Variants in ZNHIT6 observed in about 807,000 individuals in gnomAD.
The protein encoded by ZNHIT6 is zinc finger HIT-type containing 6.
Under a neutral mutation model 57.2 loss-of-function variants are expected in ZNHIT6, and 45 were observed. That is an observed-to-expected ratio of 0.79 (90% CI 0.62 to 1.01). ZNHIT6 has a LOEUF of 1.01. ZNHIT6 is among the 50% of genes least tolerant of loss of function. The pLI is 0.00. For missense variants in ZNHIT6, 528 were observed against 567.3 expected (o/e 0.93, Z 0.70); for synonymous variants, 188 against 190.0 (o/e 0.99, Z 0.09).
At chr1:85,699,499 A>G (rs183256458) in intron 5 of ZNHIT6, among the ~76,000 whole-genome samples, 1 of 152,252 alleles carries the variant, frequency 6.6e-6, no homozygotes, top group East Asian at 1.9e-4. Context: ...ATGTCTTAAC[A>G]AGAAATTAAA....
chr1:85,656,419 T>G (rs1213639690), intron 9 of ZNHIT6, among the ~76,000 whole-genome samples: 1 of 152,144 alleles, frequency 6.6e-6, no homozygotes, highest in Non-Finnish European at 1.5e-5. Context: ...AAAGTAGTCT[T>G]TTCTTATTGC....
rs1660922042 is a variant in ZNHIT6, at chr1:85,651,927, G to A, written c.*2131C>T. ...TTGTAAATCTTACGGGAAAAAATAT[G>A]CATATTAATCAAATGAGTTGATAAT... On this transcript the variant is annotated 3_prime_UTR_variant, in exon 10 of 10. Coordinates refer to ENST00000370574, the MANE Select transcript of ZNHIT6 (RefSeq NM_017953.4). The A allele has an allele frequency of 6.6e-6, 1 of 152,276 alleles. No individual in the cohort carries two copies. Among genetic ancestry groups the A allele is most frequent in the Non-Finnish European group, 1.5e-5 (1 of 68,014 alleles). The allele number at this position is 152,276 out of a possible 1,614,324, so 9.4% of individuals were successfully genotyped here. A position where few individuals can be genotyped will look rare whatever the true frequency, so the allele number is the denominator to read the frequency against.
intron 5 of ZNHIT6, among the ~76,000 whole-genome samples, chr1:85,691,370 G>A (rs1662213515): frequency 1.3e-5 from 2 of 152,166 alleles, no homozygotes; most frequent in African/African-American, 4.8e-5. Flanking sequence ...ATTTCCAACT[G>A]TCTGGGAAGT....
intron 5 of ZNHIT6, among the ~76,000 whole-genome samples, chr1:85,687,083 A>T (rs1475421599): frequency 6.6e-6 from 1 of 151,652 alleles, no homozygotes; most frequent in East Asian, 1.9e-4. Context: ...AAGCCTGGAC[A>T]ACATAGTGAA....
chr1:85,693,072 G>A (rs566936815), intron 5 of ZNHIT6, among the ~76,000 whole-genome samples: 63 of 152,210 alleles, frequency 4.1e-4, no homozygotes, highest in Middle Eastern at 3.4e-3. Context: ...GAAAAGTTAA[G>A]GACTTTCAGT....
chr1:85,707,679 CTCT>C lies in ZNHIT6; in HGVS notation c.603_605del (p.Glu202del), dbSNP rs1373833314. The C allele has an allele frequency of 1.3e-6, 2 of 1,575,552 alleles. No homozygotes were observed. The highest frequency in any genetic ancestry group is 1.4e-5 in the African/African-American group (1 of 73,152). On this transcript the variant is annotated inframe_deletion, in exon 1 of 10. Transcript: ENST00000370574. ...AGCCCACCGGGTGATTTATCGGAGG[CTCT>C]TCTTTCACCTTTGTATCATCCACGA...
In ZNHIT6 at chr1:85,650,841, C is replaced by T. The variant is rs1416878280; in HGVS notation, c.*3217G>A. The T allele has an allele frequency of 6.6e-6, 1 of 152,144 alleles. No individual in the cohort carries two copies. The highest frequency in any genetic ancestry group is 2.4e-5 in the African/African-American group (1 of 41,420). The allele number at this position is 152,144 out of a possible 1,614,324, so 9.4% of individuals were successfully genotyped here. On this transcript the variant is annotated 3_prime_UTR_variant, in exon 10 of 10. Transcript: ENST00000370574. ...ACAGCAAGAATGAGAACTCACTCAC[C>T]CCAGTAGGAGGGCATTAGTTTATTC... is the stretch of plus-strand genomic sequence containing the variant.
chr1:85,665,607 A>G (rs899002655), intron 8 of ZNHIT6, among the ~76,000 whole-genome samples: 4 of 152,098 alleles, frequency 2.6e-5, no homozygotes, highest in Admixed American at 6.6e-5. Flanking sequence ...TGTTTCTTAA[A>G]ATTCTTTCTC....
chr1:85,707,970 A>G lies in ZNHIT6; in HGVS notation c.315T>C (p.Pro105=). 1.2e-6 allele frequency: 2 copies of G among 1,613,792 alleles called. No individual in the cohort carries two copies. Among genetic ancestry groups the G allele is most frequent in the Non-Finnish European group, 1.7e-6 (2 of 1,179,966 alleles). ...QWVEQEVEDR[P]EVKDENAGVL... ...CGCCTGCGTTCTCATCCTTCACCTC[A>G]GGCCTATCCTCCACCTCCTGTTCTA... The change falls in exon 1 of 10, where the codon CCT becomes CCC. Residue 105 remains proline (P), a synonymous_variant. Transcript: ENST00000370574.
intron 5 of ZNHIT6, among the ~76,000 whole-genome samples, chr1:85,700,337 A>G (rs950106418): frequency 1.3e-5 from 2 of 152,204 alleles, no homozygotes; most frequent in African/African-American, 2.4e-5. Flanking sequence ...TCTAAAGCCT[A>G]TTAGTACATA....
At chr1:85,656,124 G>T (rs533878459) in intron 9 of ZNHIT6, among the ~76,000 whole-genome samples, 1 of 152,140 alleles carries the variant, frequency 6.6e-6, no homozygotes, top group East Asian at 1.9e-4. Context: ...AATATCTGAT[G>T]CTGTGAGAAT....
chr1:85,676,719 T>C (rs1661714095), intron 8 of ZNHIT6, among the ~76,000 whole-genome samples: 1 of 152,080 alleles, frequency 6.6e-6, no homozygotes, highest in Non-Finnish European at 1.5e-5. Context: ...CCACCTTATA[T>C]TGTGGTGCAC....
intron 5 of ZNHIT6, among the ~76,000 whole-genome samples, chr1:85,692,145 C>T (rs1224947131): frequency 6.6e-6 from 1 of 152,070 alleles, no homozygotes; most frequent in Non-Finnish European, 1.5e-5. Context: ...GAAGGGCCTG[C>T]ATAGGACACT....
chr1:85,662,865 A>ATT (rs1388071817), intron 8 of ZNHIT6, among the ~76,000 whole-genome samples: 5 of 152,236 alleles, frequency 3.3e-5, no homozygotes, highest in Non-Finnish European at 7.3e-5. Flanking sequence ...TATTCTAACC[A>ATT]TGATATTTAA....
intron 4 of ZNHIT6, among the ~76,000 whole-genome samples, chr1:85,704,489 C>G (rs1040508737): frequency 6.6e-6 from 1 of 151,882 alleles, no homozygotes; most frequent in African/African-American, 2.4e-5. Flanking sequence ...TTCTGGGAAG[C>G]CAGTAATGTT....
At position 85,657,046 on chromosome 1, in the gene ZNHIT6, C is replaced by T. The variant is rs549891620; in HGVS notation, c.1372+801G>A. 7.8e-4 allele frequency among the ~76,000 whole-genome samples: 118 copies of T among 152,152 alleles called. 1 individual carries two copies. The highest frequency in any genetic ancestry group is 1.2e-3 in the Non-Finnish European group (83 of 67,922). ...CCTGGCCTGTATCTGTAATTCTTTT[C>T]GTTGAAAGTGCTATGTAATAGTTTT... is the stretch of plus-strand genomic sequence containing the variant. On this transcript the variant is annotated intron_variant, in intron 9 of 9. Transcript: ENST00000370574.
chr1:85,698,291 C>A (rs979465080), intron 5 of ZNHIT6, among the ~76,000 whole-genome samples: 1 of 152,122 alleles, frequency 6.6e-6, no homozygotes, highest in Admixed American at 6.5e-5. Flanking sequence ...ATTCACACAT[C>A]ACATAATTTC....
chr1:85,666,529 T>C (rs570988872), intron 8 of ZNHIT6, among the ~76,000 whole-genome samples: 1 of 152,282 alleles, frequency 6.6e-6, no homozygotes, highest in African/African-American at 2.4e-5. Flanking sequence ...TTGGATCACT[T>C]CAAATACAGG....
rs914384442 is a variant in ZNHIT6, at chr1:85,708,078, C to T, written c.207G>A (p.Glu69=). ...DGEEGSGQRP[E]EIPMDLTVVK... is the part of the protein sequence containing the mutation. ...CTACCGTTAGGTCCATCGGTATTTCCTCTGGCCTTTGTCCACTTCCTTCCT... is the reference window on the plus strand; with the variant it reads ...CTACCGTTAGGTCCATCGGTATTTCTTCTGGCCTTTGTCCACTTCCTTCCT... The change falls in exon 1 of 10, where the codon GAG becomes GAA. Residue 69 remains glutamate, a synonymous_variant. Coordinates refer to ENST00000370574, the MANE Select transcript of ZNHIT6 (RefSeq NM_017953.4). The T allele has an allele frequency of 1.2e-6, 2 of 1,614,098 alleles. No individual in the cohort carries two copies. The highest frequency in any genetic ancestry group is 1.7e-6 in the Non-Finnish European group (2 of 1,180,032).
Sources: gnomAD v4.1 joint callset for allele counts (sites outside exome capture counted in the v4.1 genomes callset) on GRCh38, gnomAD v4.1.1 for gene constraint, MANE v1.5 for transcripts, NCBI Gene and HGNC (gene_info 2026-07-23, HGNC 2026-07-21) for gene names.